Variants in TRPM2 observed in about 807,000 individuals in gnomAD.
The protein encoded by TRPM2 is estrogen-responsive element-associated gene 1 protein.
Under a neutral mutation model 174.0 loss-of-function variants are expected in TRPM2, and 161 were observed. The ratio of observed to expected loss-of-function variants is 0.93; its 90% confidence interval spans 0.81 to 1.05. The LOEUF (loss-of-function observed/expected upper bound fraction) is 1.05. TRPM2 is among the 50% of genes least tolerant of loss of function. TRPM2 has a pLI of 0.00. For missense variants in TRPM2, 2,057 were observed against 2,038.0 expected, an observed-to-expected ratio of 1.01 and a Z score of -0.18; for synonymous variants, 954 against 861.3, an observed-to-expected ratio of 1.11 and a Z score of -1.88.
At chr21:44,427,750 G>A (rs1475879063) in intron 27 of TRPM2, among the ~76,000 whole-genome samples, 1 of 152,176 alleles carries the variant, frequency 6.6e-6, no homozygotes, top group Non-Finnish European at 1.5e-5. Context: ...GGGACTGCGT[G>A]GCAGGCCTTT....
chr21:44,428,078 G>A (rs372508843), intron 27 of TRPM2, among the ~76,000 whole-genome samples: 11 of 152,136 alleles, frequency 7.2e-5, no homozygotes, highest in African/African-American at 2.4e-4. Flanking sequence ...TGTCCATGCG[G>A]GCTTTAGTAG....
chr21:44,426,715 C>A lies in TRPM2; in HGVS notation c.3851C>A (p.Ala1284Asp). 1 of 1,614,110 alleles carries A rather than the reference C, an allele frequency of 6.2e-7. No homozygotes were observed. Among genetic ancestry groups the A allele is most frequent in the Non-Finnish European group, 8.5e-7 (1 of 1,180,000 alleles). ...TACACGGCAGAGAGGAAGGACGCGG[C>A]CGCCATGGACCCCATGGGAGAGTGA... is the stretch of plus-strand genomic sequence containing the variant. ...PFYTAERKDA[A>D]AMDPMGDTLE... Residue 1284 changes from alanine (A) to aspartate (D), a missense_variant, in exon 26 of 32, where the codon GCC (alanine) becomes GAC (aspartate). Coordinates refer to ENST00000397928, the MANE Select transcript of TRPM2 (RefSeq NM_003307.4).
chr21:44,425,190 C>T (rs1569105034), intron 24 of TRPM2: 1 of 526,784 alleles, frequency 1.9e-6, no homozygotes, highest in Non-Finnish European at 3.4e-6. Context: ...GCCTGCTGTG[C>T]CCTGAGCTCC....
chr21:44,381,884 G>T (rs1168976824), intron 8 of TRPM2, among the ~76,000 whole-genome samples: 2 of 150,126 alleles, frequency 1.3e-5, no homozygotes, highest in African/African-American at 5.0e-5. Flanking sequence ...TCCAGCCTGG[G>T]TGGCAGAGCA....
At chr21:44,374,642 C>T (rs895502114) in intron 5 of TRPM2, among the ~76,000 whole-genome samples, 1 of 152,072 alleles carries the variant, frequency 6.6e-6, no homozygotes, top group East Asian at 1.9e-4. Flanking sequence ...CTAGGTCCCT[C>T]GCATGCACAG....
intron 20 of TRPM2, among the ~76,000 whole-genome samples, chr21:44,414,369 C>T (rs1298184124): frequency 6.6e-6 from 1 of 152,250 alleles, no homozygotes; most frequent in Non-Finnish European, 1.5e-5. Context: ...GCTGCGGAGG[C>T]AGCCTCCTCC....
In TRPM2 at chr21:44,399,556, C is replaced by T; in HGVS notation, c.2208+115C>T. 7.2e-7 allele frequency: 1 copy of T among 1,398,318 alleles called. No individual in the cohort carries two copies. The allele number at this position is 1,398,318 out of a possible 1,614,324, so 86.6% of individuals were successfully genotyped here. ...CTCACACAGGCTTCAGGGCCCTCAG[C>T]AGCTCGGGGACAGCGCCTGACCCCT... On this transcript the variant is annotated intron_variant, in intron 14 of 31. Coordinates refer to ENST00000397928, the MANE Select transcript of TRPM2 (RefSeq NM_003307.4). The surrounding 1 kb of genome is among the most constrained non-coding windows in gnomAD (Gnocchi z 4.6).
chr21:44,414,560 T>C (rs1330194690), intron 20 of TRPM2: 2 of 157,682 alleles, frequency 1.3e-5, no homozygotes, highest in African/African-American at 2.4e-5. Flanking sequence ...CGCTGCCCGA[T>C]GTGCAGGAGG....
intron 24 of TRPM2, 82 bp downstream of exon 24, chr21:44,425,021 TG>T: frequency 8.5e-7 from 1 of 1,182,094 alleles, no homozygotes; most frequent in Non-Finnish European, 1.2e-6. Context: ...GAGAGGCAGC[TG>T]GGGGTGGGGG....
chr21:44,433,091 C>T (rs1013364327), intron 27 of TRPM2, among the ~76,000 whole-genome samples: 8 of 152,144 alleles, frequency 5.3e-5, no homozygotes, highest in South Asian at 2.1e-4. Context: ...CCCTGCTGCC[C>T]GGCCCGCTCA....
chr21:44,405,068 G>A (rs1234066625), intron 16 of TRPM2, 74 bp from the exon 17 acceptor site: 1 of 1,593,684 alleles, frequency 6.3e-7, no homozygotes, highest in African/African-American at 1.3e-5. Context: ...ATAGTGGATA[G>A]TGATGTGACA....
chr21:44,425,210 G>T (rs765936462), intron 24 of TRPM2: 3 of 477,356 alleles, frequency 6.3e-6, no homozygotes, highest in Non-Finnish European at 1.1e-5. Flanking sequence ...CCCACATACC[G>T]CACTGCAGAG....
Position 44,376,291 on chromosome 21 carries a change from G to A in TRPM2, c.952+278G>A, listed in dbSNP as rs184925703. On this transcript the variant is annotated intron_variant, in intron 6 of 31. Transcript: ENST00000397928. This position sits in a 1 kb window ranked among gnomAD's most constrained non-coding sequence, Gnocchi z 4.2. ...CAGAACACACCTGGGTTTCTTTCCC[G>A]TGTCTCTTTATACTTTGTTCCAGGA... 7.0e-4 allele frequency among the ~76,000 whole-genome samples: 106 copies of A among 152,332 alleles called. No homozygotes were observed. Among genetic ancestry groups the A allele is most frequent in the South Asian group, 5.8e-3 (28 of 4,832 alleles).
chr21:44,364,139 A>G lies in TRPM2; in HGVS notation c.280A>G (p.Thr94Ala). 6.2e-7 allele frequency: 1 copy of G among 1,614,040 alleles called. No individual in the cohort carries two copies. Reference protein sequence around the residue: ...AGKVVCQCGYTHEQHLEEATK... With the variant: ...AGKVVCQCGYAHEQHLEEATK... ...GAAGGTGGTGTGTCAGTGTGGCTAC[A>G]CGCATGAGCAGCACTTGGAGGAGGC... The change falls in exon 3 of 32, where the codon ACG (threonine) becomes GCG (alanine). Residue 94 changes from threonine to alanine, a missense_variant. By Grantham distance (58) the Thr-to-Ala change is moderately conservative. Transcript: ENST00000397928.
Position 44,376,121 on chromosome 21 carries a change from G to T in TRPM2, c.952+108G>T. ...GGACGTTCAACAGGCCTGGCGTTTG[G>T]CAGAGAGTGCAGTGGGCTGGTCAGA... is the stretch of plus-strand genomic sequence containing the variant. On this transcript the variant is annotated intron_variant, in intron 6 of 31. Transcript: ENST00000397928. This position sits in a 1 kb window ranked among gnomAD's most constrained non-coding sequence, Gnocchi z 4.2. 7.5e-7 allele frequency: 1 copy of T among 1,329,154 alleles called. No individual in the cohort carries two copies. The highest frequency in any genetic ancestry group is 1.5e-5 in the African/African-American group (1 of 68,480). The allele number at this position is 1,329,154 out of a possible 1,614,324, so 82.3% of individuals were successfully genotyped here. A position where few individuals can be genotyped will look rare whatever the true frequency, so the allele number is the denominator to read the frequency against.
At chr21:44,361,222 G>C (rs567639716) in intron 2 of TRPM2, among the ~76,000 whole-genome samples, 1 of 151,882 alleles carries the variant, frequency 6.6e-6, no homozygotes, top group East Asian at 1.9e-4. Context: ...TGCAACCTCC[G>C]CCTCCCGGCA....
chr21:44,410,645 T>C (rs557047675), intron 19 of TRPM2, among the ~76,000 whole-genome samples: 1 of 78,798 alleles, frequency 1.3e-5, no homozygotes, highest in East Asian at 4.2e-4. Context: ...TAGTAAGTTT[T>C]GACCTCACTG....
At chr21:44,353,319 C>T (rs576504829), upstream of TRPM2, 4 of 170,182 alleles carry the variant, frequency 2.4e-5, no homozygotes, top group African/African-American at 9.5e-5. Context: ...TGGAGACTTC[C>T]CTGTGCGGTG....
At chr21:44,426,120 G>T (rs1156240253) in intron 25 of TRPM2, among the ~76,000 whole-genome samples, 10 of 140,006 alleles carry the variant, frequency 7.1e-5, no homozygotes, top group Admixed American at 6.5e-4. Flanking sequence ...CCAGCCCCCC[G>T]GCCCCATTCC....
Sources: gnomAD v4.1 joint callset for allele counts (sites outside exome capture counted in the v4.1 genomes callset) on GRCh38, gnomAD v4.1.1 for gene constraint, Gnocchi (gnomAD v3.1) non-coding constraint, MANE v1.5 for transcripts, NCBI Gene and HGNC (gene_info 2026-07-23, HGNC 2026-07-21) for gene names.